Variants in STIM1 observed in about 807,000 individuals in gnomAD.
STIM1 encodes stromal interaction molecule 1.
Under a neutral mutation model 74.7 loss-of-function variants are expected in STIM1, and 25 were observed. The observed-to-expected ratio is 0.33, with a 90% CI of 0.24 to 0.47. The LOEUF is 0.47. Ranked by LOEUF, STIM1 falls within the 20% of genes least tolerant of loss-of-function variation. STIM1 has a pLI of 1.00. For missense variants in STIM1, 728 were observed against 920.8 expected (o/e 0.79, Z 2.71); for synonymous variants, 328 against 348.8 (o/e 0.94, Z 0.66).
intron 2 of STIM1, among the ~76,000 whole-genome samples, chr11:3,991,950 C>CAAAAAA (rs1230185435): frequency 5.5e-5 from 2 of 36,676 alleles, no homozygotes; most frequent in African/African-American, 1.4e-4. Flanking sequence ...AACTCCATCT[C>CAAAAAA]AAAAAAAAAA....
intron 2 of STIM1, among the ~76,000 whole-genome samples, chr11:3,991,437 C>T (rs1188503024): frequency 6.6e-6 from 1 of 151,788 alleles, no homozygotes; most frequent in African/African-American, 2.4e-5. Context: ...TCCCAAAGTG[C>T]TGGTATTACA....
intron 2 of STIM1, among the ~76,000 whole-genome samples, chr11:3,994,332 T>G (rs954790028): frequency 9.2e-5 from 14 of 152,224 alleles, no homozygotes; most frequent in African/African-American, 3.1e-4. Flanking sequence ...TGTGTCTATT[T>G]GTGGATCTCT....
rs1469206574 is a variant in STIM1, at chr11:3,895,701, T to C, written c.139+39292T>C. Among the ~76,000 whole-genome samples, 222 of 32,834 alleles carry C rather than the reference T, an allele frequency of 6.8e-3. 9 individuals are homozygous for C. The highest frequency in any genetic ancestry group is 0.012 in the Admixed American group (37 of 3,066). 21.5% of individuals were successfully genotyped at this position (32,834 alleles called of 152,430 possible). A position where few individuals can be genotyped will look rare whatever the true frequency, so the allele number is the denominator to read the frequency against. On this transcript the variant is annotated intron_variant, in intron 1 of 12. Transcript: ENST00000526596. ...TTCCTTCCTTCTTTCTTTCTTTCTT[T>C]CTTTCTTTCTTTCTTTCTTTCTTTC...
chr11:4,074,754 T>G (rs1590691937), intron 7 of STIM1, 75 bp downstream of exon 7: 2 of 1,473,978 alleles, frequency 1.4e-6, no homozygotes, highest in East Asian at 4.9e-5. Context: ...GGCTAGAAAG[T>G]TACATGTGTG....
intron 1 of STIM1, among the ~76,000 whole-genome samples, chr11:3,857,106 TTG>T (rs1278264900): frequency 0.013 from 1,133 of 86,004 alleles, 119 homozygotes; most frequent in South Asian, 0.02. Context: ...GTTTTTTTTT[TTG>T]TTTTTTTTTT....
chr11:3,946,815 A>G (rs1055696344), intron 1 of STIM1, among the ~76,000 whole-genome samples: 5 of 152,304 alleles, frequency 3.3e-5, no homozygotes, highest in African/African-American at 4.8e-5. Flanking sequence ...ACAGTGGCCC[A>G]TGAGGTTAGA....
At chr11:4,083,699 C>T in intron 10 of STIM1, 1 of 616,168 alleles carries the variant, frequency 1.6e-6, no homozygotes, top group Non-Finnish European at 2.9e-6. Flanking sequence ...TTGTTGTATG[C>T]TCTGTGTGCC....
chr11:4,046,059 CTTTTTTTTTTTTTT>C (rs35783768), intron 3 of STIM1, among the ~76,000 whole-genome samples: 3 of 59,030 alleles, frequency 5.1e-5, no homozygotes, highest in Non-Finnish European at 9.0e-5. Context: ...CGTGAGCTAC[CTTTTTTTTTTTTTT>C]TTTTTTTTTT....
chr11:3,938,010 T>G (rs1044595383), intron 1 of STIM1, among the ~76,000 whole-genome samples: 2 of 151,876 alleles, frequency 1.3e-5, no homozygotes, highest in African/African-American at 4.8e-5. Flanking sequence ...CTTGGCTCAC[T>G]GCAACCTCCG....
At chr11:3,935,699 G>A (rs1404427795) in intron 1 of STIM1, among the ~76,000 whole-genome samples, 2 of 152,180 alleles carry the variant, frequency 1.3e-5, no homozygotes, top group Non-Finnish European at 2.9e-5. Context: ...GAGCGTGGAA[G>A]AAGTATGGAT....
At chr11:3,934,593 T>G (rs1465651125) in intron 1 of STIM1, among the ~76,000 whole-genome samples, 1 of 152,252 alleles carries the variant, frequency 6.6e-6, no homozygotes, top group South Asian at 2.1e-4. Flanking sequence ...TGAGGGAGAC[T>G]AGAGTCTCAA....
chr11:4,062,229 A>C (rs891269884), intron 5 of STIM1, among the ~76,000 whole-genome samples: 2 of 152,260 alleles, frequency 1.3e-5, no homozygotes, highest in Admixed American at 1.3e-4. Context: ...AAAGTTTTAT[A>C]CTTCAAAGAA....
At position 4,093,041 on chromosome 11, in the gene STIM1, A is replaced by G. The variant is rs191928144; in HGVS notation, c.*1243A>G. The G allele has an allele frequency of 1.7e-3, 246 of 146,286 alleles. 4 individuals are homozygous for G. The highest frequency in any genetic ancestry group is 1.2e-3 in the East Asian group (6 of 4,882). The allele number at this position is 146,286 out of a possible 1,614,324, so 9.1% of individuals were successfully genotyped here. ...CTGCCCCACTCCCTGCCATACCTTT[A>G]TCCTGGGATCCTATTTTGGGCCTGG... On this transcript the variant is annotated 3_prime_UTR_variant, in exon 13 of 13. Coordinates refer to ENST00000526596, the MANE Select transcript of STIM1 (RefSeq NM_001382567.1).
chr11:4,027,797 T>A (rs2094010252), intron 3 of STIM1, among the ~76,000 whole-genome samples: 1 of 152,062 alleles, frequency 6.6e-6, no homozygotes, highest in Admixed American at 6.6e-5. Flanking sequence ...AGAGCTGCAA[T>A]TTCCAGCCCC....
chr11:3,862,405 G>C (rs1022035808), intron 1 of STIM1, among the ~76,000 whole-genome samples: 1 of 152,122 alleles, frequency 6.6e-6, no homozygotes, highest in African/African-American at 2.4e-5. Context: ...GTGTCACTTA[G>C]AGACCCTCTG....
intron 1 of STIM1, among the ~76,000 whole-genome samples, chr11:3,860,150 A>C (rs1006677148): frequency 6.6e-6 from 1 of 152,240 alleles, no homozygotes; most frequent in African/African-American, 2.4e-5. Flanking sequence ...ACAGGATGCT[A>C]TCATGGAGAA....
chr11:4,052,452 A>G, intron 3 of STIM1, among the ~76,000 whole-genome samples: 1 of 152,220 alleles, frequency 6.6e-6, no homozygotes, highest in Non-Finnish European at 1.5e-5. Flanking sequence ...TAACCATCTG[A>G]TCTTTGACAA....
Position 4,084,675 on chromosome 11 carries a change from G to A in STIM1, c.1477G>A (p.Ala493Thr). The change falls in exon 11 of 13, where the codon GCT (alanine) becomes ACT (threonine). Residue 493 changes from alanine to threonine, a missense_variant and splice_region_variant. Ala to Thr is a moderately conservative substitution (Grantham distance 58). Coordinates refer to ENST00000526596, the MANE Select transcript of STIM1 (RefSeq NM_001382567.1). ...TTTGGCCTGGCTGTTGACCCTAGATGCTGCCTGGCTGATGGGGCGTAGGTT... is the reference window on the plus strand; with the variant it reads ...TTTGGCCTGGCTGTTGACCCTAGATACTGCCTGGCTGATGGGGCGTAGGTT... Reference protein sequence around the residue: ...EIVSPLSMQYAAWLMGRRFSD... With the variant: ...EIVSPLSMQYTAWLMGRRFSD... 1 of 1,289,376 alleles carries A rather than the reference G, an allele frequency of 7.8e-7. No homozygotes were observed. The highest frequency in any genetic ancestry group is 1.0e-6 in the Non-Finnish European group (1 of 988,868). The allele number at this position is 1,289,376 out of a possible 1,614,324, so 79.9% of individuals were successfully genotyped here.
At chr11:4,000,799 G>A (rs1467033053) in intron 2 of STIM1, among the ~76,000 whole-genome samples, 3 of 152,078 alleles carry the variant, frequency 2.0e-5, no homozygotes, top group Non-Finnish European at 4.4e-5. Flanking sequence ...AGCTACAGGA[G>A]GAAATTCAAA....
Sources: gnomAD v4.1 joint callset for allele counts (sites outside exome capture counted in the v4.1 genomes callset) on GRCh38, gnomAD v4.1.1 for gene constraint, MANE v1.5 for transcripts, NCBI Gene and HGNC (gene_info 2026-07-23, HGNC 2026-07-21) for gene names.